TASP1: variants seen among roughly 807,000 people sequenced by gnomAD.
The protein encoded by TASP1 is taspase 1.
Under a neutral mutation model 56.6 loss-of-function variants are expected in TASP1, and 16 were observed. That is an observed-to-expected ratio of 0.28 (90% CI 0.19 to 0.43). The LOEUF (loss-of-function observed/expected upper bound fraction) is 0.43, where lower values mean the gene tolerates loss of function less well. Ranked by LOEUF, TASP1 falls within the 20% of genes least tolerant of loss-of-function variation. The pLI is 1.00. For missense variants in TASP1, 393 were observed against 511.6 expected (o/e 0.77, Z 2.24); for synonymous variants, 179 against 184.2 (o/e 0.97, Z 0.23).
At chr20:13,237,643 T>G in the TASP1 span, among the ~76,000 whole-genome samples, 3 of 152,180 alleles carry the variant, frequency 2.0e-5, no homozygotes, top group African/African-American at 7.2e-5. Context: ...CTAGGTGTCT[T>G]CAGTTTGTGA....
At chr20:13,275,211 TAGTCATGTAA>T in the TASP1 span, among the ~76,000 whole-genome samples, 297 of 128,124 alleles carry the variant, frequency 2.3e-3, no homozygotes, top group African/African-American at 7.7e-3. Flanking sequence ...GACTTAAAAA[TAGTCATGTAA>T]AGGCCTTTTT....
intron 4 of TASP1, among the ~76,000 whole-genome samples, chr20:13,608,261 T>C (rs1013104208): frequency 2.0e-5 from 3 of 152,228 alleles, no homozygotes; most frequent in Non-Finnish European, 4.4e-5. Flanking sequence ...TGGAAGCCAA[T>C]GAAACTGTAT....
chr20:13,284,154 G>C, the TASP1 span, among the ~76,000 whole-genome samples: 1 of 152,236 alleles, frequency 6.6e-6, no homozygotes, highest in Non-Finnish European at 1.5e-5. Context: ...CAGGGCAGCT[G>C]GTTAAAGCAA....
the TASP1 span, among the ~76,000 whole-genome samples, chr20:13,149,864 A>T: frequency 6.6e-6 from 1 of 152,320 alleles, no homozygotes; most frequent in African/African-American, 2.4e-5. Flanking sequence ...ATGAATCTTT[A>T]TAGGCAAGCG....
the TASP1 span, among the ~76,000 whole-genome samples, chr20:13,287,179 G>C: frequency 8.5e-4 from 130 of 152,308 alleles, no homozygotes; most frequent in African/African-American, 3.0e-3. Context: ...ATTTATAAAG[G>C]AAAGAGATTT....
chr20:13,603,376 A>G (rs1358058172), intron 4 of TASP1, among the ~76,000 whole-genome samples: 1 of 150,422 alleles, frequency 6.6e-6, no homozygotes, highest in Non-Finnish European at 1.5e-5. Flanking sequence ...AGTCTCTACA[A>G]AAAAAAAATA....
chr20:13,434,192 T>A (rs1160041879), intron 12 of TASP1, among the ~76,000 whole-genome samples: 3 of 152,148 alleles, frequency 2.0e-5, no homozygotes, highest in Non-Finnish European at 2.9e-5. Flanking sequence ...GTTCACTTTG[T>A]GATAATTCAT....
intron 10 of TASP1, among the ~76,000 whole-genome samples, chr20:13,484,164 C>T (rs936903680): frequency 7.9e-5 from 12 of 152,144 alleles, no homozygotes; most frequent in African/African-American, 2.9e-4. Context: ...ACAACAGATG[C>T]TGGAAAGGAT....
At chr20:13,557,385 G>C (rs1788929764) in intron 8 of TASP1, among the ~76,000 whole-genome samples, 1 of 151,940 alleles carries the variant, frequency 6.6e-6, no homozygotes, top group South Asian at 2.1e-4. Context: ...TTCAGAGCAA[G>C]AAAAAGCATT....
intron 2 of TASP1, among the ~76,000 whole-genome samples, chr20:13,627,367 A>T (rs1184773236): frequency 6.6e-6 from 1 of 152,188 alleles, no homozygotes; most frequent in Non-Finnish European, 1.5e-5. Context: ...TTCACACAAT[A>T]TCCTATCATA....
At chr20:13,327,667 T>A in the TASP1 span, among the ~76,000 whole-genome samples, 4 of 152,110 alleles carry the variant, frequency 2.6e-5, no homozygotes, top group Non-Finnish European at 4.4e-5. Context: ...CCTACAACTA[T>A]CTGACCTTTG....
the TASP1 span, chr20:13,221,872 G>C: frequency 7.1e-7 from 1 of 1,414,674 alleles, no homozygotes. Context: ...CCGCCGACGG[G>C]CCCGACGCGG....
intron 8 of TASP1, 81 bp downstream of exon 8, chr20:13,558,927 G>A: frequency 2.4e-6 from 2 of 819,394 alleles, no homozygotes; most frequent in African/African-American, 3.5e-5. Flanking sequence ...CTACTGAATT[G>A]TATCGTCCTA....
intron 10 of TASP1, among the ~76,000 whole-genome samples, chr20:13,512,086 A>G (rs1412206033): frequency 6.6e-6 from 1 of 152,108 alleles, no homozygotes; most frequent in East Asian, 1.9e-4. Context: ...GTGTCTTTAT[A>G]GCAGCATGTT....
At chr20:13,585,239 G>A (rs543700923) in intron 5 of TASP1, among the ~76,000 whole-genome samples, 1 of 152,122 alleles carries the variant, frequency 6.6e-6, no homozygotes, top group Non-Finnish European at 1.5e-5. Flanking sequence ...AAACATGATG[G>A]ATAAAAACAA....
At chr20:13,476,067 C>T (rs771414949) in intron 11 of TASP1, among the ~76,000 whole-genome samples, 33 of 151,720 alleles carry the variant, frequency 2.2e-4, no homozygotes, top group Non-Finnish European at 3.5e-4. Flanking sequence ...TGCAGTGTGC[C>T]GAGATCACGC....
At chr20:13,515,949 T>C (rs2044512733) in intron 10 of TASP1, among the ~76,000 whole-genome samples, 1 of 152,158 alleles carries the variant, frequency 6.6e-6, no homozygotes, top group Non-Finnish European at 1.5e-5. Context: ...TGGAACTATT[T>C]GATTTATGTT....
At chr20:13,547,312 A>G (rs1303246916) in intron 8 of TASP1, among the ~76,000 whole-genome samples, 2 of 152,190 alleles carry the variant, frequency 1.3e-5, no homozygotes, top group Non-Finnish European at 2.9e-5. Flanking sequence ...ATGGCATTGG[A>G]GCTAGCTCAT....
chr20:13,532,287 G>T (rs1419205174), intron 9 of TASP1, among the ~76,000 whole-genome samples: 1 of 152,106 alleles, frequency 6.6e-6, no homozygotes, highest in Non-Finnish European at 1.5e-5. Context: ...AGTTAATTGT[G>T]CATTTAAAAT....
Sources: gnomAD v4.1 joint callset for allele counts (sites outside exome capture counted in the v4.1 genomes callset) on GRCh38, gnomAD v4.1.1 for gene constraint, MANE v1.5 for transcripts, NCBI Gene and HGNC (gene_info 2026-07-23, HGNC 2026-07-21) for gene names.